The following NYAP2 variants were observed in gnomAD, a reference collection of about 807,000 sequenced individuals.
The protein encoded by NYAP2 is neuronal tyrosine-phosphorylated phosphoinositide-3-kinase adaptor 2.
NYAP2 carries 23 observed loss-of-function variants against 50.4 expected under a neutral mutation model. The ratio of observed to expected loss-of-function variants is 0.46; its 90% CI spans 0.33 to 0.65. The LOEUF is 0.65. NYAP2 is among the 30% of genes least tolerant of loss of function. NYAP2 has a pLI of 0.02. For synonymous variants in NYAP2, 394 were observed against 365.2 expected (o/e 1.08, Z -0.90); for missense variants, 885 against 861.0 (o/e 1.03, Z -0.35).
intron 3 of NYAP2, among the ~76,000 whole-genome samples, chr2:225,509,189 G>C (rs554305229): frequency 6.6e-6 from 1 of 152,110 alleles, no homozygotes; most frequent in Non-Finnish European, 1.5e-5. Context: ...TCTCTCATTC[G>C]TGAGAAGTTG....
At chr2:225,611,118 A>G (rs1692875902) in intron 5 of NYAP2, among the ~76,000 whole-genome samples, 1 of 152,160 alleles carries the variant, frequency 6.6e-6, no homozygotes. Flanking sequence ...TGTGGTAGAC[A>G]GAAATCAAAT....
chr2:225,522,226 C>G (rs1691075250), intron 4 of NYAP2, among the ~76,000 whole-genome samples: 1 of 152,030 alleles, frequency 6.6e-6, no homozygotes, highest in African/African-American at 2.4e-5. Context: ...CAAGTGTTTA[C>G]AAGAACCAGC....
the NYAP2 span, among the ~76,000 whole-genome samples, chr2:225,682,949 A>C: frequency 6.6e-6 from 1 of 152,170 alleles, no homozygotes; most frequent in Non-Finnish European, 1.5e-5. Flanking sequence ...ATTTCTAGGC[A>C]GATAAATGAC....
At chr2:225,701,457 T>C in the NYAP2 span, 1 of 151,800 alleles carries the variant, frequency 6.6e-6, no homozygotes, top group Non-Finnish European at 1.5e-5. Flanking sequence ...AAGATGCTTT[T>C]ATATGTGAAA....
At chr2:225,398,132 C>A (rs867550361), upstream of NYAP2, among the ~76,000 whole-genome samples, 1 of 151,926 alleles carries the variant, frequency 6.6e-6, no homozygotes, top group East Asian at 1.9e-4. Flanking sequence ...CCTCTCCTCA[C>A]TTTGTTTGGA....
rs561570935 is a variant in NYAP2 at position 225,651,344 on chromosome 2, T to C, written c.1829-88T>C. On this transcript the variant is annotated intron_variant, in intron 6 of 6. Coordinates refer to ENST00000636099, the Ensembl canonical transcript of NYAP2. ...GCATTTTGTATATTCCAAGAATAAG[T>C]AGCGAAACAAACAGAAAGACTGAAA... is the stretch of plus-strand genomic sequence containing the variant. 7.7e-5 allele frequency: 117 copies of C among 1,529,334 alleles called. 1 individual carries two copies. The African/African-American group carries it at 1.4e-3, about 19-fold the overall frequency. 94.7% of individuals were successfully genotyped at this position (1,529,334 alleles called of 1,614,324 possible).
chr2:225,607,651 A>G (rs192970668), intron 5 of NYAP2, among the ~76,000 whole-genome samples: 6 of 152,180 alleles, frequency 3.9e-5, no homozygotes, highest in Admixed American at 3.9e-4. Context: ...CTGTTTGGTC[A>G]AGACTGTAGA....
intron 3 of NYAP2, among the ~76,000 whole-genome samples, chr2:225,490,206 T>G (rs931107936): frequency 1.3e-5 from 2 of 152,162 alleles, no homozygotes; most frequent in Non-Finnish European, 2.9e-5. Context: ...CTAAATACTC[T>G]AGGGAATTTG....
At chr2:225,458,182 T>G (rs113631811) in intron 3 of NYAP2, among the ~76,000 whole-genome samples, 50 of 152,244 alleles carry the variant, frequency 3.3e-4, no homozygotes, top group African/African-American at 1.2e-3. Context: ...TCTTTTGTAT[T>G]CTACATGTTG....
chr2:225,511,390 AG>A (rs1690815974), intron 3 of NYAP2, among the ~76,000 whole-genome samples: 3 of 151,178 alleles, frequency 2.0e-5, no homozygotes, highest in African/African-American at 7.3e-5. Context: ...AGAGAGAGAG[AG>A]AGGATAAAAC....
At chr2:225,545,720 C>G (rs1025185923) in intron 4 of NYAP2, among the ~76,000 whole-genome samples, 2 of 152,042 alleles carry the variant, frequency 1.3e-5, no homozygotes, top group African/African-American at 2.4e-5. Flanking sequence ...GGTGAAGTTA[C>G]ATTTTTTTCT....
chr2:225,639,893 G>C (rs1255443742), intron 6 of NYAP2, among the ~76,000 whole-genome samples: 1 of 152,128 alleles, frequency 6.6e-6, no homozygotes, highest in Non-Finnish European at 1.5e-5. Context: ...AGGAGGAAGA[G>C]CAATCAAGGA....
At chr2:225,400,320 A>T (rs1694839328) in intron 1 of NYAP2, 65 bp downstream of exon 1, 1 of 141,020 alleles carries the variant, frequency 7.1e-6, no homozygotes, top group Admixed American at 7.0e-5. Context: ...AGGCAGCTGG[A>T]GAGGAGAAAG....
intron 4 of NYAP2, among the ~76,000 whole-genome samples, chr2:225,575,138 AT>A (rs1445639232): frequency 6.6e-6 from 1 of 152,136 alleles, no homozygotes; most frequent in Non-Finnish European, 1.5e-5. Flanking sequence ...TACATTTCGT[AT>A]ATTCTGCATT....
intron 4 of NYAP2, among the ~76,000 whole-genome samples, chr2:225,551,577 G>A (rs1691675717): frequency 1.3e-5 from 2 of 152,156 alleles, no homozygotes; most frequent in Non-Finnish European, 2.9e-5. Context: ...TTGTTACATA[G>A]CAGAAAAGTG....
At position 225,400,233 on chromosome 2, in the gene NYAP2, A is replaced by AT. The variant is rs1382647484; in HGVS notation, c.-523_-522insT. 1.3e-5 allele frequency: 2 copies of AT among 152,136 alleles called. No individual in the cohort carries two copies. The highest frequency in any genetic ancestry group is 4.8e-5 in the African/African-American group (2 of 41,432). 9.4% of individuals were successfully genotyped at this position (152,136 alleles called of 1,614,324 possible). The stretch of plus-strand genomic sequence containing the variant: ...AGACGGATTGCAGAAACAGAGAAGA[A>AT]AGATTACTGCTTATTTCAGAAGGTA... On this transcript the variant is annotated 5_prime_UTR_variant, in exon 1 of 7. The change creates a premature stop within an existing upstream ORF in the 5' untranslated region. Transcript: ENST00000636099.
At chr2:225,503,371 T>C (rs1473780385) in intron 3 of NYAP2, among the ~76,000 whole-genome samples, 2 of 152,204 alleles carry the variant, frequency 1.3e-5, no homozygotes, top group Non-Finnish European at 2.9e-5. Context: ...AAGAGTCTTA[T>C]GTATAGAAAT....
chr2:225,614,017 A>C (rs1692943420), intron 5 of NYAP2, among the ~76,000 whole-genome samples: 1 of 152,160 alleles, frequency 6.6e-6, no homozygotes, highest in African/African-American at 2.4e-5. Context: ...AGAAGTATAC[A>C]AGTTTAGACA....
At chr2:225,452,983 AC>A (rs1165731397) in intron 3 of NYAP2, among the ~76,000 whole-genome samples, 2 of 152,150 alleles carry the variant, frequency 1.3e-5, no homozygotes, top group Non-Finnish European at 2.9e-5. Context: ...GTTTTAGGAT[AC>A]CTTCGCATCC....
Sources: allele counts gnomAD v4.1 joint callset (sites outside exome capture counted in the v4.1 genomes callset), GRCh38; gene constraint gnomAD v4.1.1; transcripts MANE v1.5; gene names NCBI Gene and HGNC (gene_info 2026-07-23, HGNC 2026-07-21).